Variants in CDKAL1 observed in about 807,000 individuals in gnomAD.
CDKAL1 encodes the protein threonylcarbamoyladenosine tRNA methylthiotransferase.
In CDKAL1, 32 loss-of-function variants were observed where a neutral mutation model predicts 68.2. The ratio of observed to expected loss-of-function variants is 0.47; its 90% CI spans 0.35 to 0.63. The LOEUF (loss-of-function observed/expected upper bound fraction) is 0.63. Among genes scored for constraint, CDKAL1 ranks in the 30% least tolerant of loss-of-function variants. The probability of loss-of-function intolerance (pLI) is 0.00; values close to 1 mark genes in which losing one functional copy is unlikely to be tolerated. For missense variants in CDKAL1, 606 were observed against 696.7 expected, an observed-to-expected ratio of 0.87 and a Z score of 1.47; for synonymous variants, 234 against 244.3, an observed-to-expected ratio of 0.96 and a Z score of 0.39.
Position 21,073,693 on chromosome 6 carries a change from C to T in CDKAL1, c.1236+8465C>T, listed in dbSNP as rs141604992. On this transcript the variant is annotated intron_variant, in intron 12 of 15. Transcript: ENST00000274695. Reference sequence around the variant, plus strand: ...GGTCTGTTGCCCATTTTTAATCATGCAGTTTGTTTCCTTATTGTTGAGTTA... The same window carrying T: ...GGTCTGTTGCCCATTTTTAATCATGTAGTTTGTTTCCTTATTGTTGAGTTA... Among the ~76,000 whole-genome samples the T allele has an allele frequency of 1.3e-3, 199 of 152,198 alleles. 1 individual carries two copies. Among genetic ancestry groups the T allele is most frequent in the South Asian group, 2.7e-3 (13 of 4,816 alleles).
intron 4 of CDKAL1, among the ~76,000 whole-genome samples, chr6:20,582,557 C>T (rs1223067664): frequency 1.3e-5 from 2 of 152,088 alleles, no homozygotes; most frequent in Non-Finnish European, 2.9e-5. Flanking sequence ...TTGTCTGACA[C>T]AGTTTTCTAC....
intron 5 of CDKAL1, among the ~76,000 whole-genome samples, chr6:20,681,605 G>C (rs929654323): frequency 6.6e-6 from 1 of 152,062 alleles, no homozygotes; most frequent in Non-Finnish European, 1.5e-5. Context: ...ACTGGACTCT[G>C]TAATAGCTGT....
chr6:20,994,866 T>C (rs573177725), intron 10 of CDKAL1, among the ~76,000 whole-genome samples: 1 of 152,342 alleles, frequency 6.6e-6, no homozygotes, highest in East Asian at 1.9e-4. Context: ...GCTATGGACT[T>C]ATCAGAGTGG....
At chr6:21,051,725 G>A (rs890964614) in intron 11 of CDKAL1, among the ~76,000 whole-genome samples, 20 of 152,124 alleles carry the variant, frequency 1.3e-4, no homozygotes, top group Non-Finnish European at 2.6e-4. Context: ...AATGACAGTT[G>A]TTATCATCTC....
At chr6:20,787,028 T>A (rs958006527) in intron 8 of CDKAL1, among the ~76,000 whole-genome samples, 2 of 152,190 alleles carry the variant, frequency 1.3e-5, no homozygotes, top group Non-Finnish European at 2.9e-5. Context: ...ATATCATTTT[T>A]AAGATACTCC....
chr6:20,657,477 T>C (rs761777456), intron 5 of CDKAL1, among the ~76,000 whole-genome samples: 4 of 152,222 alleles, frequency 2.6e-5, no homozygotes, highest in African/African-American at 4.8e-5. Flanking sequence ...TTGTTTTCCT[T>C]CCAGTACTTC....
chr6:20,933,660 G>A (rs1763570224), intron 9 of CDKAL1, among the ~76,000 whole-genome samples: 1 of 152,192 alleles, frequency 6.6e-6, no homozygotes, highest in Non-Finnish European at 1.5e-5. Context: ...TAATTGCTAT[G>A]TTCTAATCAC....
At chr6:20,958,632 C>T (rs542561883) in intron 10 of CDKAL1, among the ~76,000 whole-genome samples, 2 of 152,202 alleles carry the variant, frequency 1.3e-5, no homozygotes, top group South Asian at 2.1e-4. Flanking sequence ...AAAATAACAG[C>T]AAATGAAGGT....
intron 8 of CDKAL1, among the ~76,000 whole-genome samples, chr6:20,781,673 T>C (rs1327659314): frequency 6.6e-6 from 1 of 152,224 alleles, no homozygotes; most frequent in Non-Finnish European, 1.5e-5. Flanking sequence ...CTATTTGAAA[T>C]GCATATTTTA....
At chr6:20,788,908 G>A (rs1775785076) in intron 8 of CDKAL1, among the ~76,000 whole-genome samples, 1 of 152,160 alleles carries the variant, frequency 6.6e-6, no homozygotes, top group Non-Finnish European at 1.5e-5. Flanking sequence ...AGTCTCTCCT[G>A]TAGCTTTCAG....
rs567679837 is a variant in CDKAL1, at chr6:21,202,555, G to A, written c.1548+1281G>A. ...GTCAGCTTATTTTTTGTTTTGTTTTGTTTTTCCACATAGTGTGTTTTACAA... is the reference window on the plus strand; with the variant it reads ...GTCAGCTTATTTTTTGTTTTGTTTTATTTTTCCACATAGTGTGTTTTACAA... On this transcript the variant is annotated intron_variant, in intron 15 of 15. Coordinates refer to ENST00000274695, the MANE Select transcript of CDKAL1 (RefSeq NM_017774.3). Among the ~76,000 whole-genome samples, 4 of 152,150 alleles carry A rather than the reference G, an allele frequency of 2.6e-5. No individual in the cohort carries two copies. In the South Asian group the frequency reaches 8.3e-4, roughly 32 times the overall value.
chr6:21,044,066 G>A (rs1228985266), intron 11 of CDKAL1, among the ~76,000 whole-genome samples: 1 of 152,134 alleles, frequency 6.6e-6, no homozygotes, highest in Non-Finnish European at 1.5e-5. Context: ...TTCTACATTA[G>A]GAGGGCAATC....
intron 4 of CDKAL1, among the ~76,000 whole-genome samples, chr6:20,559,901 A>G (rs1161503902): frequency 1.3e-5 from 2 of 152,182 alleles, no homozygotes; most frequent in Non-Finnish European, 2.9e-5. Context: ...TTTAAATATT[A>G]ATTTTCTTTT....
At chr6:20,892,316 G>A (rs1241128314) in intron 9 of CDKAL1, among the ~76,000 whole-genome samples, 1 of 152,146 alleles carries the variant, frequency 6.6e-6, no homozygotes, top group Admixed American at 6.5e-5. Context: ...GAAATATGTG[G>A]ACTGTATATG....
chr6:20,942,154 T>C (rs1227288404), intron 9 of CDKAL1, among the ~76,000 whole-genome samples: 1 of 152,166 alleles, frequency 6.6e-6, no homozygotes, highest in Non-Finnish European at 1.5e-5. Context: ...ACCACTTTGA[T>C]TGATTGATGG....
intron 9 of CDKAL1, among the ~76,000 whole-genome samples, chr6:20,935,502 C>A (rs1763661387): frequency 6.6e-6 from 1 of 151,322 alleles, no homozygotes; most frequent in South Asian, 2.1e-4. Context: ...AGTCTTGGCT[C>A]ACTGTAACCT....
chr6:20,570,144 G>A (rs943912615), intron 4 of CDKAL1, among the ~76,000 whole-genome samples: 3 of 151,754 alleles, frequency 2.0e-5, no homozygotes, highest in East Asian at 1.9e-4. Flanking sequence ...AGTCTCTGTC[G>A]CCAGGGTGGA....
Position 20,846,981 on chromosome 6 carries a change from G to A in CDKAL1, c.742+803G>A, listed in dbSNP as rs143163624. On this transcript the variant is annotated intron_variant, in intron 9 of 15. Transcript: ENST00000274695. ...GGCAATGTACTTTTCTTTTTGTCAAGTAACTTGGAGTGCTAGTTTCAGTAT... is the reference window on the plus strand; with the variant it reads ...GGCAATGTACTTTTCTTTTTGTCAAATAACTTGGAGTGCTAGTTTCAGTAT... 3.3e-5 allele frequency among the ~76,000 whole-genome samples: 5 copies of A among 152,240 alleles called. No individual in the cohort carries two copies. In the East Asian group the frequency reaches 9.7e-4, roughly 29 times the overall value.
At chr6:20,563,582 A>G (rs749976939) in intron 4 of CDKAL1, among the ~76,000 whole-genome samples, 7 of 151,378 alleles carry the variant, frequency 4.6e-5, no homozygotes, top group African/African-American at 7.3e-5. Context: ...CCTGACCTCA[A>G]CTGATCCTCC....
Sources: allele counts gnomAD v4.1 joint callset (sites outside exome capture counted in the v4.1 genomes callset), GRCh38; gene constraint gnomAD v4.1.1; transcripts MANE v1.5; gene names NCBI Gene and HGNC (gene_info 2026-07-23, HGNC 2026-07-21).